Variants in LSAMP observed in about 807,000 individuals in gnomAD.
LSAMP encodes the protein limbic system-associated membrane protein.
A neutral mutation model predicts 38.6 loss-of-function variants in LSAMP; 7 were observed. The ratio of observed to expected loss-of-function variants is 0.18; its 90% CI spans 0.10 to 0.34. The LOEUF (loss-of-function observed/expected upper bound fraction) is 0.34. LSAMP is among the 10% of genes least tolerant of loss of function. The pLI, the probability that LSAMP is intolerant of heterozygous loss-of-function variation, is 1.00. For synonymous variants in LSAMP, 154 were observed against 166.8 expected, an observed-to-expected ratio of 0.92 and a Z score of 0.59; for missense variants, 313 against 420.0, an observed-to-expected ratio of 0.75 and a Z score of 2.23.
At chr3:116,314,455 C>A (rs2047602134) in intron 1 of LSAMP, among the ~76,000 whole-genome samples, 2 of 152,132 alleles carry the variant, frequency 1.3e-5, no homozygotes, top group Non-Finnish European at 2.9e-5. Context: ...ACAAACCTGC[C>A]AAACACTTTT....
intron 3 of LSAMP, among the ~76,000 whole-genome samples, chr3:115,895,817 G>T (rs1293046199): frequency 6.6e-6 from 1 of 151,968 alleles, no homozygotes; most frequent in East Asian, 1.9e-4. Flanking sequence ...TTGTTGAGGG[G>T]TTACCTCTTT....
At chr3:116,225,367 G>T (rs539785436) in intron 1 of LSAMP, among the ~76,000 whole-genome samples, 1 of 152,126 alleles carries the variant, frequency 6.6e-6, no homozygotes, top group African/African-American at 2.4e-5. Flanking sequence ...ACCAGAAGTC[G>T]CAAGAGGAAA....
chr3:116,170,797 G>A (rs1710178551), intron 1 of LSAMP, among the ~76,000 whole-genome samples: 1 of 152,036 alleles, frequency 6.6e-6, no homozygotes, highest in Admixed American at 6.6e-5. Flanking sequence ...TTTACACAAT[G>A]AAGACTTTTA....
chr3:116,077,700 A>G (rs545098568), intron 2 of LSAMP, among the ~76,000 whole-genome samples: 1 of 152,294 alleles, frequency 6.6e-6, no homozygotes, highest in Non-Finnish European at 1.5e-5. Context: ...CCCAGACTCT[A>G]CTTAAGTTTT....
intron 1 of LSAMP, among the ~76,000 whole-genome samples, chr3:116,269,385 G>GAAAGC (rs531237008): frequency 1.1e-3 from 161 of 152,158 alleles, no homozygotes; most frequent in African/African-American, 3.7e-3. Flanking sequence ...TCCTGCTTAT[G>GAAAGC]AAAGCATTTA....
intron 3 of LSAMP, among the ~76,000 whole-genome samples, chr3:115,854,345 C>T (rs990157302): frequency 3.5e-5 from 5 of 141,018 alleles, no homozygotes; most frequent in African/African-American, 1.1e-4. Context: ...TGCAGTGGCA[C>T]AATCTCGGCT....
intron 1 of LSAMP, among the ~76,000 whole-genome samples, chr3:116,293,281 T>C (rs1331872335): frequency 2.0e-5 from 3 of 152,236 alleles, no homozygotes; most frequent in Admixed American, 6.5e-5. Context: ...TATCCCTTCA[T>C]TTTAAATTCT....
chr3:116,217,617 C>G (rs1473052171), intron 1 of LSAMP, among the ~76,000 whole-genome samples: 1 of 152,150 alleles, frequency 6.6e-6, no homozygotes, highest in Non-Finnish European at 1.5e-5. Flanking sequence ...TAAAGTGTTC[C>G]CATGTGCCAA....
intron 3 of LSAMP, among the ~76,000 whole-genome samples, chr3:115,862,702 CAAATT>C (rs566587130): frequency 4.5e-4 from 69 of 152,288 alleles, no homozygotes; most frequent in African/African-American, 1.6e-3. Context: ...GGGGTCAAAA[CAAATT>C]AAAGGGTCCA....
At chr3:115,861,229 T>C (rs548800666) in intron 3 of LSAMP, among the ~76,000 whole-genome samples, 2 of 146,516 alleles carry the variant, frequency 1.4e-5, no homozygotes, top group South Asian at 4.5e-4. Context: ...CTACACACCA[T>C]ATAGGAAACA....
intron 1 of LSAMP, among the ~76,000 whole-genome samples, chr3:116,419,484 A>G (rs1334580162): frequency 1.3e-5 from 2 of 152,218 alleles, no homozygotes. Flanking sequence ...CTTTTTTTAG[A>G]AAATGAGTGC....
intron 1 of LSAMP, among the ~76,000 whole-genome samples, chr3:116,416,757 T>G (rs1012084159): frequency 1.3e-5 from 2 of 152,160 alleles, no homozygotes; most frequent in African/African-American, 4.8e-5. Context: ...CTGGGTCCCT[T>G]GCTGAGTTAA....
chr3:116,404,971 G>A (rs902389166), intron 1 of LSAMP, among the ~76,000 whole-genome samples: 1 of 151,922 alleles, frequency 6.6e-6, no homozygotes, highest in Non-Finnish European at 1.5e-5. Flanking sequence ...CACAAAACCA[G>A]GATTTATTGA....
intron 3 of LSAMP, among the ~76,000 whole-genome samples, chr3:115,980,516 G>A (rs1939326330): frequency 6.6e-6 from 1 of 152,120 alleles, no homozygotes; most frequent in African/African-American, 2.4e-5. Context: ...ATAGATAGCA[G>A]AAAACAGTTC....
At chr3:115,840,629 A>C (rs1232880173) in intron 6 of LSAMP, among the ~76,000 whole-genome samples, 3 of 152,234 alleles carry the variant, frequency 2.0e-5, no homozygotes, top group African/African-American at 7.2e-5. Context: ...AGTTAGAGTC[A>C]TTTGTGGTTG....
intron 1 of LSAMP, among the ~76,000 whole-genome samples, chr3:116,327,621 A>C (rs923218189): frequency 2.0e-5 from 3 of 152,140 alleles, no homozygotes; most frequent in South Asian, 2.1e-4. Context: ...TATTTTGCAG[A>C]TATTTGTTCA....
chr3:116,303,978 T>C (rs1398482358), intron 1 of LSAMP, among the ~76,000 whole-genome samples: 1 of 152,106 alleles, frequency 6.6e-6, no homozygotes, highest in Non-Finnish European at 1.5e-5. Context: ...TCAGAGTAGA[T>C]ATAAAACCTC....
chr3:116,056,953 G>A (rs1476467113), intron 2 of LSAMP, among the ~76,000 whole-genome samples: 6 of 152,084 alleles, frequency 3.9e-5, no homozygotes, highest in Non-Finnish European at 8.8e-5. Context: ...AAAAAAAATG[G>A]CCTGGTGTGC....
intron 3 of LSAMP, among the ~76,000 whole-genome samples, chr3:115,860,671 C>A (rs1935648719): frequency 6.6e-6 from 1 of 152,134 alleles, no homozygotes; most frequent in South Asian, 2.1e-4. Context: ...TTAGGAGTCC[C>A]TCCATTAGCA....
Sources: allele counts gnomAD v4.1 joint callset (sites outside exome capture counted in the v4.1 genomes callset), GRCh38; gene constraint gnomAD v4.1.1; transcripts MANE v1.5; gene names NCBI Gene and HGNC (gene_info 2026-07-23, HGNC 2026-07-21).